The following EPB41L3 variants were observed in gnomAD, a reference collection of about 807,000 sequenced individuals.
EPB41L3 encodes the protein band 4.1-like protein 3.
Under a neutral mutation model 127.1 loss-of-function variants are expected in EPB41L3, and 57 were observed. The observed-to-expected ratio is 0.45, with a 90% confidence interval of 0.36 to 0.56. The LOEUF is 0.56. Ranked by LOEUF, EPB41L3 falls within the 20% of genes least tolerant of loss-of-function variation. The probability of loss-of-function intolerance (pLI) is 0.00; values close to 1 mark genes in which losing one functional copy is unlikely to be tolerated. For missense variants in EPB41L3, 1,273 were observed against 1,372.2 expected (o/e 0.93, Z 1.14); for synonymous variants, 572 against 549.5 (o/e 1.04, Z -0.57).
At chr18:5,406,678 AT>A in intron 16 of EPB41L3, 98 bp downstream of exon 16, 1 of 1,112,822 alleles carries the variant, frequency 9.0e-7, no homozygotes, top group Non-Finnish European at 1.3e-6. Context: ...AGGAAGAGAG[AT>A]TTTCTACCCA....
intron 10 of EPB41L3, among the ~76,000 whole-genome samples, chr18:5,423,914 A>G (rs2077807144): frequency 6.6e-6 from 1 of 152,162 alleles, no homozygotes; most frequent in South Asian, 2.1e-4. Context: ...CGTACCATGC[A>G]TAGGTAGGTA....
chr18:5,524,929 T>C (rs2093162731), intron 1 of EPB41L3, among the ~76,000 whole-genome samples: 1 of 152,008 alleles, frequency 6.6e-6, no homozygotes, highest in South Asian at 2.1e-4. Context: ...CCAAAGCAAG[T>C]GGGGGAGGGG....
At position 5,419,749 on chromosome 18, in the gene EPB41L3, C is replaced by T. The variant is rs775143739; in HGVS notation, c.1468G>A (p.Glu490Lys). Residue 490 changes from glutamate (E) to lysine (K), a missense_variant, in exon 12 of 23, where the codon GAA becomes AAA. Around this residue, in one of 3 missense-constraint regions of EPB41L3, gnomAD observed 765 missense variants for 782.9 expected, o/e 0.98. Coordinates refer to ENST00000341928, the MANE Select transcript of EPB41L3 (RefSeq NM_012307.5). ...EEEDKRRKGEEVTPISAIRHE... is the reference protein window; with the variant it reads ...EEEDKRRKGEKVTPISAIRHE... ...CGGATGGCCGAGATGGGCGTGACTT[C>T]TTCCCCCTTCCTCCGTTTGTCCTCT... The T allele has an allele frequency of 6.2e-7, 1 of 1,614,220 alleles. No homozygotes were observed. The highest frequency in any genetic ancestry group is 1.1e-5 in the South Asian group (1 of 91,088).
intron 2 of EPB41L3, among the ~76,000 whole-genome samples, chr18:5,483,439 G>C (rs1182528499): frequency 6.6e-6 from 1 of 152,042 alleles, no homozygotes; most frequent in Non-Finnish European, 1.5e-5. Flanking sequence ...AACAAGAGGA[G>C]TTTCAACCAG....
chr18:5,585,114 C>T (rs1176232005), intron 3 of EPB41L3, among the ~76,000 whole-genome samples: 1 of 152,204 alleles, frequency 6.6e-6, no homozygotes, highest in Admixed American at 6.5e-5. Context: ...ACATGCCTAG[C>T]TTCTGCAGTT....
chr18:5,395,997 A>G (rs1598407927), intron 19 of EPB41L3, among the ~76,000 whole-genome samples: 1 of 152,178 alleles, frequency 6.6e-6, no homozygotes, highest in East Asian at 1.9e-4. Context: ...ACACTTCAAG[A>G]CACATAAAGA....
At chr18:5,484,456 C>A (rs2089343049) in intron 2 of EPB41L3, among the ~76,000 whole-genome samples, 1 of 150,722 alleles carries the variant, frequency 6.6e-6, no homozygotes, top group Non-Finnish European at 1.5e-5. Context: ...AGGAATGAAC[C>A]AAACCCCAAA....
At chr18:5,572,606 C>T (rs998610416) in intron 3 of EPB41L3, among the ~76,000 whole-genome samples, 7 of 152,196 alleles carry the variant, frequency 4.6e-5, no homozygotes, top group African/African-American at 1.7e-4. Context: ...CAGGGTCTCA[C>T]TCTGTTGCCC....
chr18:5,414,489 TATA>T (rs1172150871), intron 13 of EPB41L3, among the ~76,000 whole-genome samples: 1 of 152,216 alleles, frequency 6.6e-6, no homozygotes, highest in Non-Finnish European at 1.5e-5. Context: ...ACCCTCAACA[TATA>T]ATACTATATA....
intron 1 of EPB41L3, among the ~76,000 whole-genome samples, chr18:5,619,065 T>C (rs1017596412): frequency 2.0e-5 from 3 of 152,172 alleles, no homozygotes; most frequent in Non-Finnish European, 2.9e-5. Context: ...CACCACACTG[T>C]AATGATTTGT....
chr18:5,549,498 A>AGGATC (rs1021591861), intron 3 of EPB41L3, among the ~76,000 whole-genome samples: 1 of 152,230 alleles, frequency 6.6e-6, no homozygotes, highest in African/African-American at 2.4e-5. Context: ...AATGATACAA[A>AGGATC]TCTGAGGATA....
intron 1 of EPB41L3, among the ~76,000 whole-genome samples, chr18:5,529,816 G>A (rs557469923): frequency 3.0e-4 from 45 of 152,118 alleles, no homozygotes; most frequent in African/African-American, 1.0e-3. Flanking sequence ...GGACCTCTCT[G>A]GCTTGCTGGC....
rs138595071 is a variant in EPB41L3 at position 5,568,290 on chromosome 18, T to C, written c.-306+44050A>G. On this transcript the variant is annotated intron_variant, in intron 3 of 21. Transcript: ENST00000545076. ...AACTTAAAAATGTGCATGCAGTACG[T>C]AGGTTTTCAGTGTTGTTTAGGTGGC... Among the ~76,000 whole-genome samples, 82 of 152,044 alleles carry C rather than the reference T, an allele frequency of 5.4e-4. No homozygotes were observed. The East Asian group carries it at 0.014, about 25-fold the overall frequency.
intron 2 of EPB41L3, among the ~76,000 whole-genome samples, chr18:5,487,863 TA>T (rs1401476567): frequency 6.6e-6 from 1 of 152,166 alleles, no homozygotes; most frequent in Non-Finnish European, 1.5e-5. Flanking sequence ...ATATACAGTT[TA>T]ATGCTGTGAC....
chr18:5,614,728 G>A (rs115281770), intron 1 of EPB41L3, among the ~76,000 whole-genome samples: 220 of 152,308 alleles, frequency 1.4e-3, no homozygotes, highest in African/African-American at 4.7e-3. Flanking sequence ...AAACTCTGGA[G>A]TTAACATTAA....
chr18:5,561,054 T>G (rs1419238704), intron 3 of EPB41L3, among the ~76,000 whole-genome samples: 1 of 147,170 alleles, frequency 6.8e-6, no homozygotes, highest in Non-Finnish European at 1.5e-5. Flanking sequence ...CGCGGCTCAC[T>G]GCAAGCTCCG....
intron 13 of EPB41L3, among the ~76,000 whole-genome samples, chr18:5,412,186 G>C (rs1055426438): frequency 3.3e-5 from 5 of 152,112 alleles, no homozygotes; most frequent in African/African-American, 4.8e-5. Context: ...GAATAAATAA[G>C]AATGACTTGC....
At chr18:5,560,650 T>C (rs1287493630) in intron 3 of EPB41L3, among the ~76,000 whole-genome samples, 3 of 152,158 alleles carry the variant, frequency 2.0e-5, no homozygotes, top group Non-Finnish European at 4.4e-5. Flanking sequence ...CCGACATTTG[T>C]TCAGGTACAT....
chr18:5,578,114 C>T (rs2094355044), intron 3 of EPB41L3, among the ~76,000 whole-genome samples: 1 of 145,654 alleles, frequency 6.9e-6, no homozygotes, highest in Non-Finnish European at 1.5e-5. Context: ...GGGGGGGTGG[C>T]GGGGTGGGAC....
Sources: gnomAD v4.1 joint callset for allele counts (sites outside exome capture counted in the v4.1 genomes callset) on GRCh38, gnomAD v4.1.1 for gene constraint, gnomAD v4.1.1 regional missense constraint, MANE v1.5 for transcripts, NCBI Gene and HGNC (gene_info 2026-07-23, HGNC 2026-07-21) for gene names.